SLC11A2: variants seen among roughly 807,000 people sequenced by gnomAD.
The protein encoded by SLC11A2 is solute carrier family 11 member 2, also known as natural resistance-associated macrophage protein 2.
A neutral mutation model predicts 68.0 loss-of-function variants in SLC11A2; 38 were observed. The observed-to-expected ratio is 0.56, with a 90% CI of 0.43 to 0.73. The LOEUF (loss-of-function observed/expected upper bound fraction) is 0.73, where lower values mean the gene tolerates loss of function less well. Among genes scored for constraint, SLC11A2 ranks in the 30% least tolerant of loss-of-function variants. The pLI is 0.00. For missense variants in SLC11A2, 517 were observed against 690.5 expected (o/e 0.75, Z 2.82); for synonymous variants, 242 against 250.6 (o/e 0.97, Z 0.32).
At chr12:51,019,803 C>A (rs1049244909) in intron 1 of SLC11A2, among the ~76,000 whole-genome samples, 1 of 151,132 alleles carries the variant, frequency 6.6e-6, no homozygotes, top group Admixed American at 6.6e-5. Context: ...GTGTGCCATG[C>A]CCTGCCAATT....
At chr12:50,958,837 C>A in the SLC11A2 span, among the ~76,000 whole-genome samples, 2 of 151,188 alleles carry the variant, frequency 1.3e-5, no homozygotes, top group African/African-American at 2.4e-5. Flanking sequence ...GCCAACATAG[C>A]GAGACATCAT....
In SLC11A2 at chr12:50,987,787, G is replaced by A; in HGVS notation, c.*538C>T. On this transcript the variant is annotated 3_prime_UTR_variant, in exon 16 of 16. Coordinates refer to ENST00000262052, the MANE Select transcript of SLC11A2 (RefSeq NM_000617.3). The stretch of plus-strand genomic sequence containing the variant: ...TTCAAAGAATCCTAAGCCTGATAGA[G>A]CTAGGTGTCTCTTCATTTTATATTT... 7.8e-7 allele frequency: 1 copy of A among 1,277,640 alleles called. No individual in the cohort carries two copies. Among genetic ancestry groups the A allele is most frequent in the Non-Finnish European group, 1.0e-6 (1 of 985,352 alleles). The allele number at this position is 1,277,640 out of a possible 1,614,324, so 79.1% of individuals were successfully genotyped here. A position where few individuals can be genotyped will look rare whatever the true frequency, so the allele number is the denominator to read the frequency against.
At chr12:51,005,517 C>G in intron 3 of SLC11A2, 81 bp from the exon 4 acceptor site, 1 of 1,593,818 alleles carries the variant, frequency 6.3e-7, no homozygotes, top group Non-Finnish European at 8.6e-7. Context: ...ACATATGAAG[C>G]AACAAAATCC....
intron 1 of SLC11A2, among the ~76,000 whole-genome samples, chr12:51,021,014 C>A (rs1944005269): frequency 6.6e-6 from 1 of 152,032 alleles, no homozygotes; most frequent in East Asian, 1.9e-4. Flanking sequence ...TCCCTTGAGC[C>A]CAGGAAGTCA....
At position 50,999,278 on chromosome 12, in the gene SLC11A2, T is replaced by C. The variant is rs17216058; in HGVS notation, c.608-37A>G. The C allele has an allele frequency of 1.7e-4, 280 of 1,611,272 alleles. 1 individual carries two copies. In the East Asian group the frequency reaches 5.1e-3, roughly 30 times the overall value. On this transcript the variant is annotated intron_variant, in intron 7 of 15. Coordinates refer to ENST00000262052, the MANE Select transcript of SLC11A2 (RefSeq NM_000617.3). ...AAGGCAGCAGTGAGCTCAGAGAAGGTAGACTTCCCCATCTGCCACATGACA... is the reference window on the plus strand; with the variant it reads ...AAGGCAGCAGTGAGCTCAGAGAAGGCAGACTTCCCCATCTGCCACATGACA...
In SLC11A2 at chr12:50,996,826, G is replaced by C. The variant is rs1486071096; in HGVS notation, c.822C>G (p.Ala274=). The C allele has an allele frequency of 2.5e-6, 4 of 1,613,956 alleles. No homozygotes were observed. The highest frequency in any genetic ancestry group is 1.6e-4 in the Middle Eastern group (1 of 6,084). Residue 274 remains alanine (A), a synonymous_variant, in exon 9 of 16, where the codon GCC becomes GCG. Coordinates refer to ENST00000262052, the MANE Select transcript of SLC11A2 (RefSeq NM_000617.3). The stretch of plus-strand genomic sequence containing the variant: ...TAAGGGCCTTGCTCACCTTGACTAA[G>C]GCAGAATGCAGGTACATGTTGTGTG... ...IMPHNMYLHS[A]LVKSRQVNRN... is the part of the protein sequence containing the mutation.
At chr12:51,009,447 A>T in intron 2 of SLC11A2, 1 of 211,874 alleles carries the variant, frequency 4.7e-6, no homozygotes, top group Non-Finnish European at 8.2e-6. Context: ...TTCAGCCATC[A>T]AATGGCTATT....
At chr12:50,954,187 A>G in the SLC11A2 span, 1 of 735,262 alleles carries the variant, frequency 1.4e-6, no homozygotes, top group Non-Finnish European at 2.3e-6. Flanking sequence ...TTATAATTGA[A>G]TTTTTTCAGA....
At chr12:50,957,507 T>G in the SLC11A2 span, among the ~76,000 whole-genome samples, 1 of 151,556 alleles carries the variant, frequency 6.6e-6, no homozygotes, top group Admixed American at 6.6e-5. Flanking sequence ...CCAGCCTGCA[T>G]TTCTTCTTTT....
chr12:50,961,187 G>A, the SLC11A2 span: 5 of 1,373,372 alleles, frequency 3.6e-6, no homozygotes, highest in Middle Eastern at 4.3e-4. Flanking sequence ...GAAGATGAAT[G>A]TTGGGTCACA....
Position 50,986,847 on chromosome 12 carries a change from T to C in SLC11A2, c.*1478A>G, listed in dbSNP as rs940806544. ...AAGACCATCCATCCAGTCTGCGCTT[T>C]TGACTGTGTGCAAGTATCAGTAATA... is the stretch of plus-strand genomic sequence containing the variant. On this transcript the variant is annotated 3_prime_UTR_variant, in exon 16 of 16. Coordinates refer to ENST00000262052, the MANE Select transcript of SLC11A2 (RefSeq NM_000617.3). 2 of 1,287,070 alleles carry C rather than the reference T, an allele frequency of 1.6e-6. No individual in the cohort carries two copies. The highest frequency in any genetic ancestry group is 3.0e-5 in the African/African-American group (2 of 65,768). 79.7% of individuals were successfully genotyped at this position (1,287,070 alleles called of 1,614,324 possible). A position where few individuals can be genotyped will look rare whatever the true frequency, so the allele number is the denominator to read the frequency against.
downstream of SLC11A2, chr12:50,981,638 C>T (rs183206527): frequency 1.3e-4 from 109 of 851,780 alleles, no homozygotes; most frequent in Non-Finnish European, 1.9e-4. Context: ...ACAAAACTCA[C>T]CTCTGAACTA....
At chr12:51,010,513 C>CAA (rs369760115) in intron 2 of SLC11A2, among the ~76,000 whole-genome samples, 182 bp downstream of exon 2, 72,685 of 133,106 alleles carry the variant, frequency 0.55, 20,028 homozygotes, top group Admixed American at 0.63. Context: ...GACTCCACCT[C>CAA]AAAAAAAAAA....
At chr12:51,000,164 G>A in intron 6 of SLC11A2, 149 bp downstream of exon 6, 1 of 693,348 alleles carries the variant, frequency 1.4e-6, no homozygotes, top group South Asian at 1.6e-5. Context: ...CATCTACCAG[G>A]GGAGAAGAAA....
rs548865982 is a variant in SLC11A2 at position 50,992,986 on chromosome 12, C to T, written c.1078-57G>A. 382 of 1,605,860 alleles carry T rather than the reference C, an allele frequency of 2.4e-4. 2 individuals carry two copies. In the South Asian group the frequency reaches 4.0e-3, roughly 17 times the overall value. On this transcript the variant is annotated intron_variant, in intron 11 of 15. Transcript: ENST00000262052. ...TGGCAATAATCTGCTCAGACAATAT[C>T]CAAAACAGCAGTTCCCTGTGGCATT...
At chr12:51,006,250 G>T (rs891526695) in intron 3 of SLC11A2, 7 of 159,224 alleles carry the variant, frequency 4.4e-5, no homozygotes, top group African/African-American at 1.4e-4. Context: ...GGTGAGCCAG[G>T]ATTGCACCAT....
chr12:50,986,006 T>G lies in SLC11A2; in HGVS notation c.*2319A>C. On this transcript the variant is annotated 3_prime_UTR_variant, in exon 16 of 16. Coordinates refer to ENST00000262052, the MANE Select transcript of SLC11A2 (RefSeq NM_000617.3). Reference sequence around the variant, plus strand: ...AGGAAACCAAATTGGAAAAAGAAATTTTTTTTTAATTAGAAACCAAGTTTA... The same window carrying G: ...AGGAAACCAAATTGGAAAAAGAAATGTTTTTTTAATTAGAAACCAAGTTTA... 1.7e-6 allele frequency: 2 copies of G among 1,155,420 alleles called. No homozygotes were observed. The highest frequency in any genetic ancestry group is 1.1e-6 in the Non-Finnish European group (1 of 923,758). The allele number at this position is 1,155,420 out of a possible 1,614,324, so 71.6% of individuals were successfully genotyped here.
intron 5 of SLC11A2, among the ~76,000 whole-genome samples, chr12:51,003,012 C>T (rs148348912): frequency 0.013 from 1,962 of 151,826 alleles, 38 homozygotes; most frequent in African/African-American, 0.045. Flanking sequence ...CCGAGGTGGG[C>T]AGATCACAAG....
the SLC11A2 span, among the ~76,000 whole-genome samples, chr12:50,968,916 T>C: frequency 6.6e-6 from 1 of 152,154 alleles, no homozygotes; most frequent in Non-Finnish European, 1.5e-5. Context: ...TGGCCTCAAG[T>C]GATCCTCCTC....
Sources: allele counts gnomAD v4.1 joint callset (sites outside exome capture counted in the v4.1 genomes callset), GRCh38; gene constraint gnomAD v4.1.1; transcripts MANE v1.5; gene names NCBI Gene and HGNC (gene_info 2026-07-23, HGNC 2026-07-21).